The following PIK3C2G variants were observed in gnomAD, a reference collection of about 807,000 sequenced individuals.
PIK3C2G encodes the protein phosphatidylinositol-4-phosphate 3-kinase catalytic subunit type 2 gamma, also known as phosphatidylinositol 3-kinase C2 domain-containing subunit gamma.
PIK3C2G carries 168 observed loss-of-function variants against 181.1 expected under a neutral mutation model. The ratio of observed to expected loss-of-function variants is 0.93; its 90% CI spans 0.82 to 1.05. The LOEUF is 1.05. PIK3C2G is among the 50% of genes least tolerant of loss of function. The pLI, the probability that PIK3C2G is intolerant of heterozygous loss-of-function variation, is 0.00. For missense variants in PIK3C2G, 1,869 were observed against 1,732.8 expected (o/e 1.08, Z -1.40); for synonymous variants, 573 against 592.2 (o/e 0.97, Z 0.47).
intron 10 of PIK3C2G, 35 bp from the exon 11 acceptor site, chr12:18,346,606 T>C (rs1156496288): frequency 7.5e-7 from 1 of 1,328,772 alleles, no homozygotes. Context: ...ATATGGCCCT[T>C]CTTAGTGACT....
intron 18 of PIK3C2G, among the ~76,000 whole-genome samples, chr12:18,469,915 C>T (rs79528469): frequency 7.1e-6 from 1 of 141,844 alleles, no homozygotes; most frequent in Non-Finnish European, 1.5e-5. Context: ...ACCTGCTACT[C>T]TTTTTTTTTT....
intron 29 of PIK3C2G, among the ~76,000 whole-genome samples, chr12:18,590,893 T>C (rs1469043364): frequency 6.6e-6 from 1 of 151,914 alleles, no homozygotes; most frequent in African/African-American, 2.4e-5. Context: ...ACTTGAAGGA[T>C]ATGACGGTGT....
intron 18 of PIK3C2G, among the ~76,000 whole-genome samples, chr12:18,433,500 T>C (rs1209806482): frequency 1.3e-5 from 2 of 152,168 alleles, no homozygotes; most frequent in Admixed American, 6.6e-5. Context: ...CACTCCAGCC[T>C]GGGTGAAAGA....
chr12:18,641,904 C>G (rs951841284), intron 32 of PIK3C2G, among the ~76,000 whole-genome samples: 1 of 152,108 alleles, frequency 6.6e-6, no homozygotes, highest in African/African-American at 2.4e-5. Flanking sequence ...CTCCCACCAC[C>G]ACATCCAGCT....
chr12:18,610,387 G>A (rs747625623), intron 31 of PIK3C2G, among the ~76,000 whole-genome samples: 3 of 152,004 alleles, frequency 2.0e-5, no homozygotes, highest in East Asian at 1.9e-4. Flanking sequence ...GCCTTTGGAA[G>A]GATCTAAAAG....
chr12:18,622,640 T>C (rs1232553359), intron 31 of PIK3C2G, among the ~76,000 whole-genome samples: 1 of 151,904 alleles, frequency 6.6e-6, no homozygotes. Context: ...ATACTGTTTT[T>C]AAAAATGGTT....
intron 24 of PIK3C2G, among the ~76,000 whole-genome samples, chr12:18,530,374 T>G (rs1306468355): frequency 6.6e-6 from 1 of 152,140 alleles, no homozygotes; most frequent in Non-Finnish European, 1.5e-5. Flanking sequence ...ATATTTATCC[T>G]TTCCCTCTCA....
downstream of PIK3C2G, among the ~76,000 whole-genome samples, chr12:18,650,728 A>C (rs1383106282): frequency 9.8e-4 from 23 of 23,450 alleles, no homozygotes; most frequent in Non-Finnish European, 1.0e-3. Flanking sequence ...ATATATATAT[A>C]TATATATATA....
At chr12:18,329,432 A>G (rs60248300) in intron 8 of PIK3C2G, among the ~76,000 whole-genome samples, 2 of 151,944 alleles carry the variant, frequency 1.3e-5, no homozygotes, top group Non-Finnish European at 2.9e-5. Context: ...AGGATTTTGT[A>G]GACTTTCTTT....
intron 31 of PIK3C2G, among the ~76,000 whole-genome samples, chr12:18,630,181 A>G (rs1949289878): frequency 6.6e-6 from 1 of 152,122 alleles, no homozygotes; most frequent in Non-Finnish European, 1.5e-5. Flanking sequence ...CCTTGAGGTC[A>G]GGAATTTGAC....
intron 3 of PIK3C2G, among the ~76,000 whole-genome samples, chr12:18,287,340 G>A (rs1949490247): frequency 6.6e-6 from 1 of 152,072 alleles, no homozygotes; most frequent in African/African-American, 2.4e-5. Flanking sequence ...CTTATCTTGA[G>A]TGGATTGGCA....
intron 31 of PIK3C2G, among the ~76,000 whole-genome samples, chr12:18,635,360 A>C (rs1949546418): frequency 6.6e-6 from 1 of 152,192 alleles, no homozygotes; most frequent in African/African-American, 2.4e-5. Flanking sequence ...AGGCCAGTTC[A>C]GGCCTGATTA....
At chr12:18,684,084 T>A in the PIK3C2G span, 1 of 1,599,188 alleles carries the variant, frequency 6.3e-7, no homozygotes, top group Non-Finnish European at 8.5e-7. Context: ...TATACACAAG[T>A]TATATTTAAA....
intron 18 of PIK3C2G, among the ~76,000 whole-genome samples, chr12:18,457,839 T>A (rs1275417413): frequency 6.6e-6 from 1 of 152,174 alleles, no homozygotes; most frequent in Non-Finnish European, 1.5e-5. Flanking sequence ...GTGGGGGTAA[T>A]CATTTATAAT....
Position 18,455,086 on chromosome 12 carries a change from C to CAGGAGGCCCACTTCA in PIK3C2G, c.2504+31048_2504+31062dup, listed in dbSNP as rs1489539305. Reference sequence around the variant, plus strand: ...TTGCTGGCAGCATTTAATTCCTTGCCAGGAGGCCCACTTCATCAAAGCAAA... The same window carrying CAGGAGGCCCACTTCA: ...TTGCTGGCAGCATTTAATTCCTTGCCAGGAGGCCCACTTCAAGGAGGCCCACTTCATCAAAGCAAA... On this transcript the variant is annotated intron_variant, in intron 18 of 32. Transcript: ENST00000538779. Among the ~76,000 whole-genome samples, 11 of 152,230 alleles carry CAGGAGGCCCACTTCA rather than the reference C, an allele frequency of 7.2e-5. No homozygotes were observed. In the East Asian group the frequency reaches 2.1e-3, roughly 29 times the overall value.
chr12:18,323,057 T>C (rs576061048), intron 7 of PIK3C2G, among the ~76,000 whole-genome samples: 1 of 152,282 alleles, frequency 6.6e-6, no homozygotes, highest in East Asian at 1.9e-4. Flanking sequence ...AAGTCACTGC[T>C]ACCTGGGGCA....
At chr12:18,295,824 C>T (rs1229747194) in intron 5 of PIK3C2G, among the ~76,000 whole-genome samples, 2 of 151,892 alleles carry the variant, frequency 1.3e-5, no homozygotes, top group African/African-American at 4.8e-5. Flanking sequence ...AGAATATTTA[C>T]TACTGTTCTA....
intron 19 of PIK3C2G, among the ~76,000 whole-genome samples, chr12:18,490,484 CT>C (rs1205038765): frequency 6.6e-6 from 1 of 152,090 alleles, no homozygotes; most frequent in Non-Finnish European, 1.5e-5. Context: ...TACTCTAACA[CT>C]TTTTTTGTAT....
At chr12:18,672,742 C>A in the PIK3C2G span, among the ~76,000 whole-genome samples, 1 of 152,110 alleles carries the variant, frequency 6.6e-6, no homozygotes, top group African/African-American at 2.4e-5. Flanking sequence ...GGAATAGATG[C>A]CTTGAACTCT....
Sources: gnomAD v4.1 joint callset for allele counts (sites outside exome capture counted in the v4.1 genomes callset) on GRCh38, gnomAD v4.1.1 for gene constraint, MANE v1.5 for transcripts, NCBI Gene and HGNC (gene_info 2026-07-23, HGNC 2026-07-21) for gene names.